DYNC1H1: variants seen among roughly 807,000 people sequenced by gnomAD.
DYNC1H1 encodes cytoplasmic dynein 1 heavy chain 1.
In DYNC1H1, 51 loss-of-function variants were observed where a neutral mutation model predicts 527.1. That is an observed-to-expected ratio of 0.10 (90% confidence interval 0.08 to 0.12). The LOEUF (loss-of-function observed/expected upper bound fraction) is 0.12. Among genes scored for constraint, DYNC1H1 ranks in the 10% least tolerant of loss-of-function variants. DYNC1H1 has a pLI of 1.00. For missense variants in DYNC1H1, 2,771 were observed against 5,971.8 expected, an observed-to-expected ratio of 0.46 and a Z score of 17.66; for synonymous variants, 2,189 against 2,278.8, an observed-to-expected ratio of 0.96 and a Z score of 1.12.
chr14:101,968,380 C>T (rs1433189322), intron 1 of DYNC1H1, among the ~76,000 whole-genome samples: 1 of 152,134 alleles, frequency 6.6e-6, no homozygotes, highest in East Asian at 1.9e-4. Context: ...CCACCTCGGC[C>T]TCCTGGGCTC....
rs935631339 is a variant in DYNC1H1, at chr14:102,050,921, C to T, written c.*358C>T. 27 of 358,876 alleles carry T rather than the reference C, an allele frequency of 7.5e-5. No individual in the cohort carries two copies. Among genetic ancestry groups the T allele is most frequent in the African/African-American group, 2.1e-4 (10 of 47,170 alleles). The allele number at this position is 358,876 out of a possible 1,614,324, so 22.2% of individuals were successfully genotyped here. A position where few individuals can be genotyped will look rare whatever the true frequency, so the allele number is the denominator to read the frequency against. The stretch of plus-strand genomic sequence containing the variant: ...CTCGCTTTCATCATGAGCTCGCTCC[C>T]GAGCGGCCACAGCACTCATGAATGA... On this transcript the variant is annotated 3_prime_UTR_variant, in exon 78 of 78. Coordinates refer to ENST00000360184, the MANE Select transcript of DYNC1H1 (RefSeq NM_001376.5).
rs1039324001 is a variant in DYNC1H1 at position 102,001,454 on chromosome 14, G to A, written c.4396-81G>A. 6.2e-7 allele frequency: 1 copy of A among 1,613,026 alleles called. No homozygotes were observed. Among genetic ancestry groups the A allele is most frequent in the Non-Finnish European group, 8.5e-7 (1 of 1,179,190 alleles). ...GAGCCTTGTCATCTGTGGTCCTTTT[G>A]GTTCTTATAATGCTGGGTCCCTTGT... On this transcript the variant is annotated intron_variant, in intron 20 of 77. Coordinates refer to ENST00000360184, the MANE Select transcript of DYNC1H1 (RefSeq NM_001376.5). This position sits in a 1 kb window ranked among gnomAD's most constrained non-coding sequence, Gnocchi z 5.0.
chr14:102,032,185 G>T lies in DYNC1H1; in HGVS notation c.9884-87G>T, dbSNP rs573880925. Reference sequence around the variant, plus strand: ...TGTCCTTTCTCTCATTGGAGTTGGAGCTCCTGGCTGTTTTGGTTCATTCTC... The same window carrying T: ...TGTCCTTTCTCTCATTGGAGTTGGATCTCCTGGCTGTTTTGGTTCATTCTC... On this transcript the variant is annotated intron_variant, in intron 51 of 77. Transcript: ENST00000360184. The T allele has an allele frequency of 2.2e-5, 33 of 1,522,624 alleles. No individual in the cohort carries two copies. The Admixed American group carries it at 4.2e-4, about 19-fold the overall frequency. The allele number at this position is 1,522,624 out of a possible 1,614,324, so 94.3% of individuals were successfully genotyped here.
chr14:102,032,970 G>A, intron 52 of DYNC1H1, 95 bp from the exon 53 acceptor site: 2 of 1,288,382 alleles, frequency 1.6e-6, no homozygotes, highest in South Asian at 1.2e-5. Context: ...GCAATGAGAT[G>A]GGAGCTGGCT....
intron 34 of DYNC1H1, among the ~76,000 whole-genome samples, chr14:102,014,530 CAA>C (rs35266808): frequency 4.4e-5 from 5 of 114,492 alleles, no homozygotes; most frequent in Admixed American, 9.2e-5. Flanking sequence ...AACTCCATCT[CAA>C]AAAAAAAAAA....
intron 1 of DYNC1H1, among the ~76,000 whole-genome samples, chr14:101,967,961 A>C (rs187528110): frequency 4.6e-5 from 7 of 152,330 alleles, no homozygotes; most frequent in Admixed American, 4.6e-4. Context: ...TAAAAAGAGA[A>C]ACCTTTGTAT....
Position 102,016,503 on chromosome 14 carries a change from T to G in DYNC1H1, c.7614+14T>G, listed in dbSNP as rs761249712. 6.2e-7 allele frequency: 1 copy of G among 1,614,206 alleles called. No homozygotes were observed. Among genetic ancestry groups the G allele is most frequent in the Non-Finnish European group, 8.5e-7 (1 of 1,180,036 alleles). ...ATCGATTATGAGGTGAGCATGCAGC[T>G]ACCACCCGTGTTTCTGATTCTCGCC... On this transcript the variant is annotated intron_variant, in intron 37 of 77. Coordinates refer to ENST00000360184, the MANE Select transcript of DYNC1H1 (RefSeq NM_001376.5). This position sits in a 1 kb window ranked among gnomAD's most constrained non-coding sequence, Gnocchi z 7.3.
Position 101,983,191 on chromosome 14 carries a change from G to A in DYNC1H1, c.1134G>A (p.Leu378=). ...RNTKYPIQRA[L]RLVEAISRDL... is the part of the protein sequence containing the mutation. ...CAAAATATCCTATTCAGAGGGCACT[G>A]CGTTTGGTGGAGGCAATTTCAAGAG... Residue 378 remains leucine (L), a synonymous_variant, in exon 6 of 78, where the codon CTG becomes CTA. Transcript: ENST00000360184. The surrounding 1 kb of genome is among the most constrained non-coding windows in gnomAD (Gnocchi z 5.3). 1 of 1,614,204 alleles carries A rather than the reference G, an allele frequency of 6.2e-7. No individual in the cohort carries two copies. The highest frequency in any genetic ancestry group is 8.5e-7 in the Non-Finnish European group (1 of 1,180,034).
chr14:101,998,240 T>C (rs561520148), intron 16 of DYNC1H1, among the ~76,000 whole-genome samples: 18 of 146,854 alleles, frequency 1.2e-4, no homozygotes, highest in African/African-American at 4.1e-4. Context: ...GATCCGATAA[T>C]ACAAACGCCT....
At position 102,049,634 on chromosome 14, in the gene DYNC1H1, G is replaced by A; in HGVS notation, c.13515+52G>A. 4 of 1,613,282 alleles carry A rather than the reference G, an allele frequency of 2.5e-6. No homozygotes were observed. The highest frequency in any genetic ancestry group is 1.3e-5 in the African/African-American group (1 of 75,060). On this transcript the variant is annotated intron_variant, in intron 75 of 77. Coordinates refer to ENST00000360184, the MANE Select transcript of DYNC1H1 (RefSeq NM_001376.5). This position sits in a 1 kb window ranked among gnomAD's most constrained non-coding sequence, Gnocchi z 5.5. ...GTGGTCAGCAGCTGTCCTGGGCTGG[G>A]GTGGGAGTGGCTCTGGGGAAAAACA...
chr14:102,040,116 AT>A (rs2048628148), intron 62 of DYNC1H1, 119 bp from the exon 63 acceptor site: 1 of 1,384,592 alleles, frequency 7.2e-7, no homozygotes, highest in Non-Finnish European at 1.0e-6. Flanking sequence ...GAGTGCTGAG[AT>A]TATAGGCCTG....
In DYNC1H1 at chr14:102,030,314, A is replaced by C. The variant is rs17541366; in HGVS notation, c.9883+32A>C. On this transcript the variant is annotated intron_variant, in intron 51 of 77. Transcript: ENST00000360184. The stretch of plus-strand genomic sequence containing the variant: ...AAAGACTGTCAGAGCTTTGATGTCT[A>C]GGAAGGGTGGTCTCCGTCAACATTA... The C allele has an allele frequency of 0.039, 63,101 of 1,614,004 alleles. 1,499 individuals are homozygous for C. The highest frequency in any genetic ancestry group is 0.046 in the Non-Finnish European group (54,508 of 1,179,942).
intron 10 of DYNC1H1, among the ~76,000 whole-genome samples, chr14:101,991,017 A>AG (rs1428671172): frequency 6.6e-6 from 1 of 151,802 alleles, no homozygotes; most frequent in East Asian, 1.9e-4. Flanking sequence ...CAAAAAAAAA[A>AG]AAAAAAAATA....
Position 102,042,301 on chromosome 14 carries a change from T to C in DYNC1H1, c.12275+13T>C. 6.2e-7 allele frequency: 1 copy of C among 1,614,162 alleles called. No individual in the cohort carries two copies. The highest frequency in any genetic ancestry group is 8.5e-7 in the Non-Finnish European group (1 of 1,180,038). ...TAAAGTCGGGCAGGTAGGCCTGTTCTCTTTGGCTGAAGAAAGCCTTAGTCC... is the reference window on the plus strand; with the variant it reads ...TAAAGTCGGGCAGGTAGGCCTGTTCCCTTTGGCTGAAGAAAGCCTTAGTCC... On this transcript the variant is annotated intron_variant, in intron 67 of 77. Transcript: ENST00000360184. This position sits in a 1 kb window ranked among gnomAD's most constrained non-coding sequence, Gnocchi z 5.7.
chr14:102,009,876 A>G lies in DYNC1H1; in HGVS notation c.6011A>G (p.Lys2004Arg). ...CCCATTACTTGTGAGCTGCTGAACAAACAAGTCAAGGTGAGCCCGGACATG... is the reference window on the plus strand; with the variant it reads ...CCCATTACTTGTGAGCTGCTGAACAGACAAGTCAAGGTGAGCCCGGACATG... ...SAPITCELLN[K>R]QVKVSPDMAI... The change falls in exon 30 of 78, where the codon AAA becomes AGA. Residue 2004 changes from lysine (K) to arginine (R), a missense_variant. Physicochemically the swap from Lys to Arg is conservative, Grantham distance 26. Transcript: ENST00000360184. 6.2e-7 allele frequency: 1 copy of G among 1,614,094 alleles called. No individual in the cohort carries two copies. The highest frequency in any genetic ancestry group is 8.5e-7 in the Non-Finnish European group (1 of 1,180,010).
Position 102,010,138 on chromosome 14 carries a change from G to A in DYNC1H1, c.6221+52G>A, listed in dbSNP as rs2048241470. 6.2e-7 allele frequency: 1 copy of A among 1,612,852 alleles called. No individual in the cohort carries two copies. The highest frequency in any genetic ancestry group is 8.5e-7 in the Non-Finnish European group (1 of 1,179,718). ...CATGTTTCTTGCATATGTTAAATGT[G>A]TCCATTTAACCTTAAAATTTTTATA... is the stretch of plus-strand genomic sequence containing the variant. On this transcript the variant is annotated intron_variant, in intron 30 of 77. Transcript: ENST00000360184. The surrounding 1 kb of genome is among the most constrained non-coding windows in gnomAD (Gnocchi z 6.0).
intron 63 of DYNC1H1, 83 bp downstream of exon 63, chr14:102,040,493 C>T: frequency 6.2e-7 from 1 of 1,612,560 alleles, no homozygotes; most frequent in African/African-American, 1.3e-5. Flanking sequence ...GGTATAAAAC[C>T]CAGAATGTTG....
In DYNC1H1 at chr14:101,965,758, T is replaced by G. The variant is rs1007424086; in HGVS notation, c.256+811T>G. 6.6e-6 allele frequency among the ~76,000 whole-genome samples: 1 copy of G among 151,828 alleles called. No individual in the cohort carries two copies. The highest frequency in any genetic ancestry group is 1.5e-5 in the Non-Finnish European group (1 of 67,990). ...TTCACTGATCATACCTCATATTTGTTTAATGCTTCGATGATGTTAATGATA... is the reference window on the plus strand; with the variant it reads ...TTCACTGATCATACCTCATATTTGTGTAATGCTTCGATGATGTTAATGATA... On this transcript the variant is annotated intron_variant, in intron 1 of 77. Transcript: ENST00000360184. The surrounding 1 kb of genome is among the most constrained non-coding windows in gnomAD (Gnocchi z 4.1).
intron 43 of DYNC1H1, 73 bp downstream of exon 43, chr14:102,022,953 A>G: frequency 6.2e-7 from 1 of 1,608,078 alleles, no homozygotes; most frequent in Non-Finnish European, 8.5e-7. Flanking sequence ...AATTCTAACG[A>G]ATTATCTTCT....
Sources: allele counts gnomAD v4.1 joint callset (sites outside exome capture counted in the v4.1 genomes callset), GRCh38; gene constraint gnomAD v4.1.1; non-coding constraint Gnocchi (gnomAD v3.1); transcripts MANE v1.5; gene names NCBI Gene and HGNC (gene_info 2026-07-23, HGNC 2026-07-21).